The following CSMD1 variants were observed in gnomAD, a reference collection of about 807,000 sequenced individuals.
CSMD1 encodes CUB and Sushi multiple domains 1.
CSMD1 carries 213 observed loss-of-function variants against 417.5 expected under a neutral mutation model. The ratio of observed to expected loss-of-function variants is 0.51; its 90% CI spans 0.46 to 0.57. The LOEUF is 0.57. Among genes scored for constraint, CSMD1 ranks in the 20% least tolerant of loss-of-function variants. CSMD1 has a pLI of 0.00. For synonymous variants in CSMD1, 2,862 were observed against 1,736.8 expected (o/e 1.65, Z -16.11); for missense variants, 6,923 against 4,529.7 (o/e 1.53, Z -15.17).
At chr8:4,229,699 A>G (rs1444605688) in intron 3 of CSMD1, among the ~76,000 whole-genome samples, 1 of 152,098 alleles carries the variant, frequency 6.6e-6, no homozygotes, top group Non-Finnish European at 1.5e-5. Context: ...GTACAGCCTC[A>G]GCCCCTTCCT....
At chr8:4,341,284 T>C (rs1232558784) in intron 3 of CSMD1, among the ~76,000 whole-genome samples, 1 of 152,124 alleles carries the variant, frequency 6.6e-6, no homozygotes, top group African/African-American at 2.4e-5. Flanking sequence ...TATGGGCATA[T>C]TTCAGGCTCA....
chr8:4,855,423 T>C (rs981089126), intron 1 of CSMD1, among the ~76,000 whole-genome samples: 2 of 152,120 alleles, frequency 1.3e-5, no homozygotes, highest in African/African-American at 4.8e-5. Context: ...AGAATGACTT[T>C]GACGAGCTGA....
At chr8:3,192,694 T>C (rs912030724) in intron 33 of CSMD1, among the ~76,000 whole-genome samples, 3 of 152,202 alleles carry the variant, frequency 2.0e-5, no homozygotes, top group Non-Finnish European at 4.4e-5. Flanking sequence ...TTAAATAATT[T>C]TGTGCATGAC....
At chr8:3,131,938 G>C (rs559133783) in intron 41 of CSMD1, among the ~76,000 whole-genome samples, 1 of 152,282 alleles carries the variant, frequency 6.6e-6, no homozygotes, top group East Asian at 1.9e-4. Context: ...TATTGGTGTA[G>C]AGAACTAAAT....
chr8:4,971,476 T>C (rs1810233350), intron 1 of CSMD1, among the ~76,000 whole-genome samples: 1 of 152,062 alleles, frequency 6.6e-6, no homozygotes, highest in Non-Finnish European at 1.5e-5. Flanking sequence ...AGACAGGTGG[T>C]ATTTGCCATA....
intron 50 of CSMD1, among the ~76,000 whole-genome samples, chr8:3,037,977 G>C (rs528037603): frequency 7.4e-4 from 113 of 152,016 alleles, no homozygotes; most frequent in Non-Finnish European, 1.3e-3. Context: ...TTTTCCATTT[G>C]TGAAGCTTCT....
chr8:4,065,364 T>C (rs1799189601), intron 3 of CSMD1, among the ~76,000 whole-genome samples: 1 of 152,224 alleles, frequency 6.6e-6, no homozygotes. Context: ...TCATGGATAG[T>C]TAGTAAAAGT....
At chr8:3,542,125 T>C (rs1341730767) in intron 10 of CSMD1, among the ~76,000 whole-genome samples, 1 of 152,232 alleles carries the variant, frequency 6.6e-6, no homozygotes, top group Non-Finnish European at 1.5e-5. Context: ...GACTCTTTTA[T>C]TTCCTATGGA....
chr8:3,029,328 T>C lies in CSMD1; in HGVS notation c.7846A>G (p.Ser2616Gly), dbSNP rs755312820. 1.9e-6 allele frequency: 3 copies of C among 1,606,302 alleles called. No individual in the cohort carries two copies. The East Asian group carries it at 6.7e-5, about 36-fold the overall frequency. The change falls in exon 51 of 70, where the codon AGC (serine) becomes GGC (glycine). Residue 2616 changes from serine (S) to glycine (G), a missense_variant. Transcript: ENST00000635120. Reference protein sequence around the residue: ...GTWNIGDERPSCRVISCGSLS... With the variant: ...GTWNIGDERPGCRVISCGSLS... ...CTCCCTCATCACTTACCTCGACAGC[T>C]TGGCCTCTCATCTCCTATGTTCCAC...
intron 25 of CSMD1, among the ~76,000 whole-genome samples, chr8:3,296,297 C>T (rs371661455): frequency 7.6e-4 from 115 of 151,574 alleles, no homozygotes; most frequent in African/African-American, 2.0e-3. Context: ...AGAAGCCCCA[C>T]GTAAGGGGCA....
At chr8:4,094,254 A>C (rs1388360511) in intron 3 of CSMD1, among the ~76,000 whole-genome samples, 1 of 152,086 alleles carries the variant, frequency 6.6e-6, no homozygotes, top group Non-Finnish European at 1.5e-5. Context: ...GACTGTTTGT[A>C]AATCAGGGGT....
At chr8:4,917,438 C>G (rs150544517) in intron 1 of CSMD1, among the ~76,000 whole-genome samples, 2 of 152,016 alleles carry the variant, frequency 1.3e-5, no homozygotes, top group Admixed American at 6.6e-5. Context: ...ATCGAGACCA[C>G]CCTGGCTAAC....
At chr8:4,189,321 C>T (rs1798875224) in intron 3 of CSMD1, among the ~76,000 whole-genome samples, 1 of 152,138 alleles carries the variant, frequency 6.6e-6, no homozygotes, top group Admixed American at 6.5e-5. Context: ...AAGATGAAGC[C>T]TGGTGCCAAC....
intron 10 of CSMD1, among the ~76,000 whole-genome samples, chr8:3,537,791 T>C (rs1320270593): frequency 6.6e-6 from 1 of 152,126 alleles, no homozygotes; most frequent in African/African-American, 2.4e-5. Flanking sequence ...AATTAAAGAG[T>C]CTCATCCATA....
chr8:4,614,479 C>G (rs1298947007), intron 2 of CSMD1, among the ~76,000 whole-genome samples: 1 of 152,124 alleles, frequency 6.6e-6, no homozygotes, highest in Non-Finnish European at 1.5e-5. Context: ...TATGTCACCT[C>G]TAAACTGATC....
At chr8:3,367,524 C>A (rs1809676177) in intron 19 of CSMD1, among the ~76,000 whole-genome samples, 1 of 151,730 alleles carries the variant, frequency 6.6e-6, no homozygotes. Flanking sequence ...TTTTTCTGGA[C>A]TTAGACACAT....
chr8:4,878,698 C>T (rs1367828998), intron 1 of CSMD1, among the ~76,000 whole-genome samples: 2 of 151,786 alleles, frequency 1.3e-5, no homozygotes, highest in African/African-American at 2.4e-5. Context: ...GTATTTTACC[C>T]ATTTTTACAG....
intron 5 of CSMD1, among the ~76,000 whole-genome samples, chr8:3,947,209 T>C (rs1811288125): frequency 6.6e-6 from 1 of 152,220 alleles, no homozygotes; most frequent in African/African-American, 2.4e-5. Flanking sequence ...TCTCAGTTCC[T>C]AGTCAGCTGA....
chr8:4,012,964 G>A (rs1796346740), intron 4 of CSMD1, among the ~76,000 whole-genome samples: 2 of 151,978 alleles, frequency 1.3e-5, no homozygotes, highest in Admixed American at 1.3e-4. Flanking sequence ...CATCTCCTCT[G>A]CTCCTGTCAT....
Sources: allele counts gnomAD v4.1 joint callset (sites outside exome capture counted in the v4.1 genomes callset), GRCh38; gene constraint gnomAD v4.1.1; transcripts MANE v1.5; gene names NCBI Gene and HGNC (gene_info 2026-07-23, HGNC 2026-07-21).